Variants in JMJD7 observed in about 807,000 individuals in gnomAD.
The protein encoded by JMJD7 is jumonji domain containing 7, also known as bifunctional peptidase and (3S)-lysyl hydroxylase JMJD7.
JMJD7 carries 41 observed loss-of-function variants against 41.1 expected under a neutral mutation model. The observed-to-expected ratio is 1.00, with a 90% CI of 0.78 to 1.30. JMJD7 has a LOEUF of 1.30. JMJD7 is among the 50% of genes most tolerant of loss of function. JMJD7 has a pLI of 0.00. For missense variants in JMJD7, 480 were observed against 420.7 expected, an observed-to-expected ratio of 1.14 and a Z score of -1.23; for synonymous variants, 202 against 177.2, an observed-to-expected ratio of 1.14 and a Z score of -1.11.
In JMJD7 at chr15:41,836,533, T is replaced by G; in HGVS notation, c.684T>G (p.Asp228Glu). The change falls in exon 6 of 8, where the codon GAT (aspartate) becomes GAG (glutamate). Residue 228 changes from aspartate to glutamate, a missense_variant. Asp to Glu is a conservative substitution (Grantham distance 45). Transcript: ENST00000397299. Reference protein sequence around the residue: ...LTEEGTFKVVDEEAMEKVPWI... With the variant: ...LTEEGTFKVVEEEAMEKVPWI... The stretch of plus-strand genomic sequence containing the variant: ...AAGAGGGCACCTTTAAGGTGGTGGA[T>G]GAAGAGGCCATGGAGAAGGTGTCTG... 6.3e-7 allele frequency: 1 copy of G among 1,589,810 alleles called. No homozygotes were observed. Among genetic ancestry groups the G allele is most frequent in the Non-Finnish European group, 8.6e-7 (1 of 1,167,686 alleles).
intron 4 of JMJD7, 199 bp from the exon 5 acceptor site, chr15:41,835,949 C>T (rs1000926219): frequency 1.2e-5 from 7 of 603,006 alleles, no homozygotes; most frequent in African/African-American, 1.1e-4. Flanking sequence ...AGTCCAGGGC[C>T]TGGTGAGCAT....
At chr15:41,833,277 A>G (rs1468186821) in intron 1 of JMJD7, among the ~76,000 whole-genome samples, 1 of 151,718 alleles carries the variant, frequency 6.6e-6, no homozygotes, top group African/African-American at 2.4e-5. Flanking sequence ...GCTATGTGCT[A>G]GGTACTGTTC....
intron 1 of JMJD7, 78 bp downstream of exon 1, chr15:41,828,266 G>A (rs929207386): frequency 2.5e-5 from 36 of 1,430,872 alleles, no homozygotes; most frequent in Admixed American, 1.1e-4. Context: ...CCGGGGGCTC[G>A]GAACCTCGTG....
chr15:41,836,044 T>C, intron 4 of JMJD7, 104 bp from the exon 5 acceptor site: 3 of 1,261,834 alleles, frequency 2.4e-6, no homozygotes, highest in African/African-American at 1.5e-5. Flanking sequence ...GCTTCTCTTT[T>C]GTCATAGGAC....
intron 1 of JMJD7, among the ~76,000 whole-genome samples, chr15:41,829,924 C>A (rs1238054755): frequency 6.6e-6 from 1 of 152,184 alleles, no homozygotes; most frequent in Non-Finnish European, 1.5e-5. Flanking sequence ...TGCCTGTAGT[C>A]CCACCTCCTG....
rs772246091 is a variant in JMJD7, at chr15:41,834,802, C to T, written c.127C>T (p.Arg43Trp). 7.4e-6 allele frequency: 12 copies of T among 1,614,220 alleles called. 1 individual carries two copies. Among genetic ancestry groups the T allele is most frequent in the South Asian group, 6.6e-5 (6 of 91,088 alleles). ...DKPPTPLHFY[R>W]DWVCPNRPCI... ...ACCCCCAACTCCGCTCCACTTCTAC[C>T]GGGACTGGGTCTGCCCCAACAGGCC... The change falls in exon 2 of 8, where the codon CGG becomes TGG. Residue 43 changes from arginine to tryptophan, a missense_variant. Physicochemically the swap from Arg to Trp is moderately radical, Grantham distance 101 (BLOSUM62 -3). Transcript: ENST00000397299.
chr15:41,828,522 G>T (rs2065176059), intron 1 of JMJD7: 1 of 257,252 alleles, frequency 3.9e-6, no homozygotes, highest in Non-Finnish European at 7.3e-6. Flanking sequence ...TCCCCCACGC[G>T]CCCCACCTCC....
At chr15:41,832,677 C>T (rs2065246400) in intron 1 of JMJD7, among the ~76,000 whole-genome samples, 1 of 152,216 alleles carries the variant, frequency 6.6e-6, no homozygotes, top group Non-Finnish European at 1.5e-5. Flanking sequence ...GGGGTCTTCT[C>T]ACTCAGTTAC....
At chr15:41,828,228 C>T in intron 1 of JMJD7, 40 bp downstream of exon 1, 1 of 1,486,756 alleles carries the variant, frequency 6.7e-7, no homozygotes, top group Non-Finnish European at 8.8e-7. Flanking sequence ...TTTCCGAACA[C>T]GGGAGGGGCC....
rs561143699 is a variant in JMJD7 at position 41,828,288 on chromosome 15, C to T, written c.64+100C>T. The stretch of plus-strand genomic sequence containing the variant: ...CTCGGAACCTCGTGTGTGCGACTGC[C>T]CTGAGGCCCCGCTCGGGTTGCTCTT... On this transcript the variant is annotated intron_variant, in intron 1 of 7. Coordinates refer to ENST00000397299, the MANE Select transcript of JMJD7 (RefSeq NM_001114632.2). 4.1e-5 allele frequency: 55 copies of T among 1,349,210 alleles called. No homozygotes were observed. In the South Asian group the frequency reaches 8.4e-4, roughly 21 times the overall value. The allele number at this position is 1,349,210 out of a possible 1,614,324, so 83.6% of individuals were successfully genotyped here. A position where few individuals can be genotyped will look rare whatever the true frequency, so the allele number is the denominator to read the frequency against.
intron 1 of JMJD7, chr15:41,829,034 C>T (rs1216293980): frequency 6.6e-6 from 1 of 152,270 alleles, no homozygotes; most frequent in Admixed American, 6.5e-5. Flanking sequence ...TATTCAGCAT[C>T]TCTGTGTGCC....
In JMJD7 at chr15:41,836,184, T is replaced by A. The variant is rs1341913275; in HGVS notation, c.566T>A (p.Val189Asp). 1 of 1,612,370 alleles carries A rather than the reference T, an allele frequency of 6.2e-7. No homozygotes were observed. The highest frequency in any genetic ancestry group is 1.7e-4 in the Middle Eastern group (1 of 6,050). ...KDHYENLYCV[V>D]SGEKHFLFHP... ...CACTATGAGAACCTCTACTGCGTGGTCTCAGGAGAGAAGCATTTCCTGTTC... is the reference window on the plus strand; with the variant it reads ...CACTATGAGAACCTCTACTGCGTGGACTCAGGAGAGAAGCATTTCCTGTTC... The change falls in exon 5 of 8, where the codon GTC (valine) becomes GAC (aspartate). Residue 189 changes from valine (V) to aspartate (D), a missense_variant. Val to Asp is a radical substitution (Grantham distance 152, BLOSUM62 -3). Transcript: ENST00000397299.
Position 41,836,552 on chromosome 15 carries a change from GTGTC to G in JMJD7, c.702+6_702+9del. On this transcript the variant is annotated splice_donor_variant and splice_donor_5th_base_variant and intron_variant, in intron 6 of 7. Coordinates refer to ENST00000397299, the MANE Select transcript of JMJD7 (RefSeq NM_001114632.2). LOFTEE classifies it high-confidence loss of function. Reference sequence around the variant, plus strand: ...GGTGGATGAAGAGGCCATGGAGAAGGTGTCTGTCCTGTTCTTGGGCTCTAGGGAG... The same window carrying G: ...GGTGGATGAAGAGGCCATGGAGAAGGTGTCCTGTTCTTGGGCTCTAGGGAG... The G allele has an allele frequency of 6.3e-7, 1 of 1,577,060 alleles. No individual in the cohort carries two copies. The highest frequency in any genetic ancestry group is 8.6e-7 in the Non-Finnish European group (1 of 1,161,272).
In JMJD7 at chr15:41,837,474, GATA is replaced by G. The variant is rs1227637908; in HGVS notation, c.*324_*326del. 3 of 419,558 alleles carry G rather than the reference GATA, an allele frequency of 7.2e-6. No homozygotes were observed. Among genetic ancestry groups the G allele is most frequent in the Non-Finnish European group, 4.3e-6 (1 of 233,550 alleles). The allele number at this position is 419,558 out of a possible 1,614,324, so 26.0% of individuals were successfully genotyped here. ...GGCATTGGTGTCCTGTCAGTAAAGAGATAATAATGGCTGTACCTCGCGGGGCTG... is the reference window on the plus strand; with the variant it reads ...GGCATTGGTGTCCTGTCAGTAAAGAGATAATGGCTGTACCTCGCGGGGCTG... On this transcript the variant is annotated 3_prime_UTR_variant, in exon 8 of 8. Transcript: ENST00000397299.
chr15:41,836,371 C>T (rs769619697), intron 5 of JMJD7, 104 bp from the exon 6 acceptor site: 80 of 1,550,304 alleles, frequency 5.2e-5, no homozygotes, highest in Non-Finnish European at 6.8e-5. Flanking sequence ...GCACCAGGGC[C>T]CCTGATCCCC....
chr15:41,831,202 G>C (rs1359446812), intron 1 of JMJD7, among the ~76,000 whole-genome samples: 1 of 152,216 alleles, frequency 6.6e-6, no homozygotes, highest in Non-Finnish European at 1.5e-5. Flanking sequence ...ACCAGCTGCG[G>C]GGAGGAGCTA....
chr15:41,833,416 T>TATATATATATATA (rs2065262397), intron 1 of JMJD7, among the ~76,000 whole-genome samples: 2 of 18,082 alleles, frequency 1.1e-4, no homozygotes, highest in South Asian at 2.5e-3. Flanking sequence ...ATATATATAT[T>TATATATATATATA]TTTTTTTTTT....
chr15:41,830,088 C>T (rs955347776), intron 1 of JMJD7, among the ~76,000 whole-genome samples: 3 of 152,136 alleles, frequency 2.0e-5, no homozygotes, highest in Non-Finnish European at 4.4e-5. Flanking sequence ...TCCCCTGTTC[C>T]CTGCATCCCC....
At chr15:41,835,492 C>A in intron 3 of JMJD7, 96 bp from the exon 4 acceptor site, 10 of 1,526,394 alleles carry the variant, frequency 6.6e-6, no homozygotes, top group Non-Finnish European at 8.9e-6. Flanking sequence ...TCTTGGGATT[C>A]TTCTGTGCTC....
Sources: allele counts gnomAD v4.1 joint callset (sites outside exome capture counted in the v4.1 genomes callset), GRCh38; gene constraint gnomAD v4.1.1; transcripts MANE v1.5; gene names NCBI Gene and HGNC (gene_info 2026-07-23, HGNC 2026-07-21).